The following ARHGAP10 variants were observed in gnomAD, a reference collection of about 807,000 sequenced individuals.
The protein encoded by ARHGAP10 is Rho GTPase activating protein 10, also known as rho GTPase-activating protein 10.
In ARHGAP10, 87 loss-of-function variants were observed where a neutral mutation model predicts 108.6. That is an observed-to-expected ratio of 0.80 (90% confidence interval 0.67 to 0.96). The LOEUF is 0.96. Among genes scored for constraint, ARHGAP10 ranks in the 40% least tolerant of loss-of-function variants. The pLI is 0.00. For missense variants in ARHGAP10, 939 were observed against 954.5 expected, an observed-to-expected ratio of 0.98 and a Z score of 0.21; for synonymous variants, 347 against 341.1, an observed-to-expected ratio of 1.02 and a Z score of -0.19.
chr4:147,732,289 G>T lies in ARHGAP10; in HGVS notation c.-13G>T, dbSNP rs752847235. 2.5e-6 allele frequency: 4 copies of T among 1,597,798 alleles called. No homozygotes were observed. The highest frequency in any genetic ancestry group is 3.4e-5 in the Admixed American group (2 of 58,678). ...CGCGCGGCCGTGCGCACCGCGCAGC[G>T]ACCGCTGCCGTCATGGGGCTGCAGC... is the stretch of plus-strand genomic sequence containing the variant. On this transcript the variant is annotated 5_prime_UTR_variant, in exon 1 of 23. Coordinates refer to ENST00000336498, the MANE Select transcript of ARHGAP10 (RefSeq NM_024605.4).
intron 10 of ARHGAP10, among the ~76,000 whole-genome samples, chr4:147,892,915 G>C (rs944782956): frequency 2.2e-4 from 34 of 152,170 alleles, no homozygotes; most frequent in African/African-American, 6.8e-4. Flanking sequence ...CTGTGCTGCT[G>C]AACACCCTCC....
intron 13 of ARHGAP10, among the ~76,000 whole-genome samples, chr4:147,922,432 G>A (rs1737281579): frequency 6.6e-6 from 1 of 151,580 alleles, no homozygotes; most frequent in Non-Finnish European, 1.5e-5. Flanking sequence ...GCTCACGCCT[G>A]TAATCCCAGC....
At chr4:147,863,329 G>A (rs7666127) in intron 5 of ARHGAP10, 16,335 of 152,244 alleles carry the variant, frequency 0.11, 1,046 homozygotes, top group African/African-American at 0.19. Context: ...GGTGTCTCAT[G>A]TGAGTGGGAT....
intron 15 of ARHGAP10, among the ~76,000 whole-genome samples, chr4:147,947,796 G>A (rs184599047): frequency 1.3e-4 from 20 of 152,158 alleles, no homozygotes; most frequent in African/African-American, 4.6e-4. Context: ...CTTATATGAC[G>A]TATTTTGTAT....
chr4:147,982,909 GT>G (rs1459685641), intron 18 of ARHGAP10, among the ~76,000 whole-genome samples: 1 of 151,204 alleles, frequency 6.6e-6, no homozygotes, highest in Non-Finnish European at 1.5e-5. Context: ...TCGAGACAGG[GT>G]CTTACTCTCG....
At chr4:147,887,232 G>A (rs1735607227) in intron 10 of ARHGAP10, among the ~76,000 whole-genome samples, 1 of 152,062 alleles carries the variant, frequency 6.6e-6, no homozygotes, top group South Asian at 2.1e-4. Flanking sequence ...TCCACCCTCA[G>A]TGCCCAGACA....
At chr4:147,815,952 G>C (rs1369107350) in intron 1 of ARHGAP10, among the ~76,000 whole-genome samples, 1 of 152,200 alleles carries the variant, frequency 6.6e-6, no homozygotes, top group Non-Finnish European at 1.5e-5. Context: ...TAGCGTTGTT[G>C]TAAGCCACTG....
chr4:147,904,354 G>A (rs535566652), intron 10 of ARHGAP10, among the ~76,000 whole-genome samples: 273 of 152,068 alleles, frequency 1.8e-3, no homozygotes, highest in Middle Eastern at 3.4e-3. Context: ...TTAGCATTAG[G>A]TATATCTCCT....
In ARHGAP10 at chr4:147,982,365, C is replaced by CTTTTTTTTTTTT. The variant is rs70958599; in HGVS notation, c.1716+15531_1716+15542dup. 1.7e-4 allele frequency among the ~76,000 whole-genome samples: 21 copies of CTTTTTTTTTTTT among 124,604 alleles called. 1 individual carries two copies. The highest frequency in any genetic ancestry group is 2.5e-4 in the South Asian group (1 of 4,006). The allele number at this position is 124,604 out of a possible 152,430, so 81.7% of individuals were successfully genotyped here. A position where few individuals can be genotyped will look rare whatever the true frequency, so the allele number is the denominator to read the frequency against. ...TTCCCTGGGTTTCTTTTCTTTCTTT[C>CTTTTTTTTTTTT]TTTTTTTTTTTTTTTTCTTTTTGAG... On this transcript the variant is annotated intron_variant, in intron 18 of 22. Transcript: ENST00000336498.
intron 22 of ARHGAP10, among the ~76,000 whole-genome samples, chr4:148,070,308 C>T (rs905954697): frequency 1.3e-5 from 2 of 152,166 alleles, no homozygotes; most frequent in African/African-American, 4.8e-5. Flanking sequence ...AGGTGCTGTC[C>T]AGGCATAAAG....
chr4:147,873,568 A>G (rs1292259486), intron 7 of ARHGAP10, among the ~76,000 whole-genome samples: 1 of 151,848 alleles, frequency 6.6e-6, no homozygotes, highest in Non-Finnish European at 1.5e-5. Context: ...GCTCATGCTT[A>G]TAATCCCAAC....
At chr4:147,955,050 C>G (rs905577830) in intron 15 of ARHGAP10, among the ~76,000 whole-genome samples, 6 of 151,998 alleles carry the variant, frequency 3.9e-5, no homozygotes, top group Non-Finnish European at 5.9e-5. Context: ...GTTCACAAAG[C>G]TACTTTCCGT....
chr4:147,820,336 A>T (rs1732432776), intron 1 of ARHGAP10, among the ~76,000 whole-genome samples: 1 of 152,134 alleles, frequency 6.6e-6, no homozygotes, highest in South Asian at 2.1e-4. Flanking sequence ...CCCAGGCTGG[A>T]GTGCAGTGGT....
intron 1 of ARHGAP10, among the ~76,000 whole-genome samples, chr4:147,818,927 A>G (rs1182248972): frequency 3.3e-5 from 5 of 152,202 alleles, no homozygotes; most frequent in African/African-American, 1.2e-4. Context: ...CTCTGGTAAA[A>G]CCCTAAGAGG....
At chr4:147,855,308 T>A (rs1178971945) in intron 4 of ARHGAP10, among the ~76,000 whole-genome samples, 1 of 152,248 alleles carries the variant, frequency 6.6e-6, no homozygotes, top group Non-Finnish European at 1.5e-5. Context: ...ATCAACTTTT[T>A]AAAATAGTGG....
At chr4:147,804,890 A>G (rs969341612) in intron 1 of ARHGAP10, among the ~76,000 whole-genome samples, 2 of 152,142 alleles carry the variant, frequency 1.3e-5, no homozygotes, top group African/African-American at 4.8e-5. Flanking sequence ...TCAGATGCAT[A>G]GTTTGGAAAT....
intron 18 of ARHGAP10, among the ~76,000 whole-genome samples, chr4:147,979,041 G>T (rs1469337311): frequency 6.6e-6 from 1 of 152,092 alleles, no homozygotes; most frequent in African/African-American, 2.4e-5. Context: ...TTCTTTTGCT[G>T]TGCAGAAGCC....
At chr4:147,836,145 C>A (rs1733160668) in intron 3 of ARHGAP10, among the ~76,000 whole-genome samples, 1 of 152,112 alleles carries the variant, frequency 6.6e-6, no homozygotes, top group Non-Finnish European at 1.5e-5. Flanking sequence ...GCTAGCTTTT[C>A]TTTTGTGGGA....
intron 19 of ARHGAP10, among the ~76,000 whole-genome samples, chr4:148,025,675 A>G (rs906556775): frequency 1.3e-5 from 2 of 152,198 alleles, no homozygotes; most frequent in African/African-American, 4.8e-5. Flanking sequence ...ATGTTATTGA[A>G]TGTCACTTAG....
Sources: allele counts gnomAD v4.1 joint callset (sites outside exome capture counted in the v4.1 genomes callset), GRCh38; gene constraint gnomAD v4.1.1; transcripts MANE v1.5; gene names NCBI Gene and HGNC (gene_info 2026-07-23, HGNC 2026-07-21).